The following SMARCAD1 variants were observed in gnomAD, a reference collection of about 807,000 sequenced individuals.
SMARCAD1 encodes SNF2 related chromatin remodeling ATPase with DExD box 1, also known as SWI/SNF-related matrix-associated actin-dependent regulator of chromatin subfamily A containing DEAD/H box 1.
SMARCAD1 carries 25 observed loss-of-function variants against 127.1 expected under a neutral mutation model. That is an observed-to-expected ratio of 0.20 (90% CI 0.14 to 0.27). The LOEUF is 0.27. Among genes scored for constraint, SMARCAD1 ranks in the 10% least tolerant of loss-of-function variants. SMARCAD1 has a pLI of 1.00. For missense variants in SMARCAD1, 807 were observed against 1,206.0 expected, an observed-to-expected ratio of 0.67 and a Z score of 4.90; for synonymous variants, 400 against 396.9, an observed-to-expected ratio of 1.01 and a Z score of -0.09.
In SMARCAD1 at chr4:94,265,026, G is replaced by A. The variant is rs1335879778; in HGVS notation, c.1481+120G>A. ...ACTAGTGGTAGGAGAGAACCCCCAG[G>A]TTTTCTGTAATGGCACATAAGTGGA... On this transcript the variant is annotated intron_variant, in intron 10 of 23. Transcript: ENST00000354268. 6 of 931,460 alleles carry A rather than the reference G, an allele frequency of 6.4e-6. No individual in the cohort carries two copies. The East Asian group carries it at 1.6e-4, about 25-fold the overall frequency. The allele number at this position is 931,460 out of a possible 1,614,324, so 57.7% of individuals were successfully genotyped here. A position where few individuals can be genotyped will look rare whatever the true frequency, so the allele number is the denominator to read the frequency against.
At chr4:94,244,312 T>C (rs529907016) in intron 6 of SMARCAD1, among the ~76,000 whole-genome samples, 4 of 152,326 alleles carry the variant, frequency 2.6e-5, no homozygotes, top group African/African-American at 9.6e-5. Flanking sequence ...CTACAAACAA[T>C]GCTACAGTTT....
intron 1 of SMARCAD1, 30 bp from the exon 2 acceptor site, chr4:94,208,316 T>G: frequency 6.8e-7 from 1 of 1,477,876 alleles, no homozygotes; most frequent in Non-Finnish European, 9.5e-7. Context: ...TTTCATGGCC[T>G]TTTTTCCTCT....
At chr4:94,260,287 G>C (rs1750765284) in intron 9 of SMARCAD1, among the ~76,000 whole-genome samples, 1 of 152,120 alleles carries the variant, frequency 6.6e-6, no homozygotes, top group South Asian at 2.1e-4. Flanking sequence ...AGCATCTGTT[G>C]ATGCTACATG....
chr4:94,233,813 C>A, intron 3 of SMARCAD1, 141 bp from the exon 4 acceptor site: 1 of 879,314 alleles, frequency 1.1e-6, no homozygotes, highest in Non-Finnish European at 1.7e-6. Context: ...AAAAAAAGGT[C>A]TCTTTCTGAC....
chr4:94,276,250 T>C, intron 14 of SMARCAD1, 89 bp from the exon 15 acceptor site: 1 of 1,439,816 alleles, frequency 6.9e-7, no homozygotes, highest in Non-Finnish European at 9.6e-7. Context: ...AATGTGTAAA[T>C]AAAAAATGAT....
At chr4:94,273,578 T>G in intron 11 of SMARCAD1, 39 bp from the exon 12 acceptor site, 2 of 1,406,064 alleles carry the variant, frequency 1.4e-6, no homozygotes, top group Non-Finnish European at 2.0e-6. Context: ...ATTTTTTGTT[T>G]GTTTTAAAAT....
At chr4:94,218,186 A>G (rs779823326) in intron 2 of SMARCAD1, among the ~76,000 whole-genome samples, 1 of 152,152 alleles carries the variant, frequency 6.6e-6, no homozygotes, top group Non-Finnish European at 1.5e-5. Context: ...TATAAAGTCT[A>G]TTATTTAGAA....
rs540562361 is a variant in SMARCAD1 at position 94,219,957 on chromosome 4, T to G, written c.191-6162T>G. 1.2e-4 allele frequency among the ~76,000 whole-genome samples: 18 copies of G among 152,352 alleles called. No homozygotes were observed. The South Asian group carries it at 1.5e-3, about 12-fold the overall frequency. ...AGAATTGAATAGTAGCAGATGTCTT[T>G]TCTTTATAACTGTTTCTGCTTTTCA... On this transcript the variant is annotated intron_variant, in intron 2 of 23. Coordinates refer to ENST00000354268, the MANE Select transcript of SMARCAD1 (RefSeq NM_020159.5).
chr4:94,252,476 GTATCAAATT>G, intron 8 of SMARCAD1, 131 bp from the exon 9 acceptor site: 1 of 554,586 alleles, frequency 1.8e-6, no homozygotes, highest in Admixed American at 3.7e-5. Flanking sequence ...TTTTTAAAGT[GTATCAAATT>G]TAACAATAAA....
At chr4:94,261,110 T>C (rs1320083572) in intron 9 of SMARCAD1, among the ~76,000 whole-genome samples, 1 of 151,734 alleles carries the variant, frequency 6.6e-6, no homozygotes, top group Non-Finnish European at 1.5e-5. Context: ...CTTTTGAAAA[T>C]ATTTGAATAG....
At chr4:94,272,867 C>T (rs558832822) in intron 11 of SMARCAD1, among the ~76,000 whole-genome samples, 1 of 152,030 alleles carries the variant, frequency 6.6e-6, no homozygotes, top group Admixed American at 6.6e-5. Flanking sequence ...AGTGCAGCGG[C>T]GCACTCTCAG....
At chr4:94,229,137 A>G (rs1482167522) in intron 3 of SMARCAD1, among the ~76,000 whole-genome samples, 1 of 152,076 alleles carries the variant, frequency 6.6e-6, no homozygotes, top group Non-Finnish European at 1.5e-5. Context: ...TCAAGTTACC[A>G]TTTTTCCCTT....
At chr4:94,237,077 C>T in intron 5 of SMARCAD1, 59 bp downstream of exon 5, 4 of 1,302,078 alleles carry the variant, frequency 3.1e-6, no homozygotes, top group South Asian at 1.2e-5. Context: ...ATAATAGTAC[C>T]TTCTCATTAA....
chr4:94,287,748 T>TA (rs1156910586), intron 23 of SMARCAD1, among the ~76,000 whole-genome samples: 1 of 152,180 alleles, frequency 6.6e-6, no homozygotes, highest in Non-Finnish European at 1.5e-5. Context: ...CTTAATGTAT[T>TA]AATTGTATTA....
At chr4:94,281,403 T>C in intron 20 of SMARCAD1, 69 bp from the exon 21 acceptor site, 5 of 1,055,286 alleles carry the variant, frequency 4.7e-6, no homozygotes, top group African/African-American at 1.6e-5. Flanking sequence ...TCTAACTGTT[T>C]AAACCTGTCA....
In SMARCAD1 at chr4:94,290,122, C is replaced by G. The variant is rs1376256418; in HGVS notation, c.*588C>G. On this transcript the variant is annotated 3_prime_UTR_variant, in exon 24 of 24. Transcript: ENST00000354268. ...TATACTAACATCCCCCAGGTCCTCTCAAGTACTTCTGCTGAAACAAATTTA... is the reference window on the plus strand; with the variant it reads ...TATACTAACATCCCCCAGGTCCTCTGAAGTACTTCTGCTGAAACAAATTTA... 6.6e-6 allele frequency: 3 copies of G among 454,496 alleles called. No homozygotes were observed. The highest frequency in any genetic ancestry group is 4.7e-5 in the South Asian group (3 of 64,474). 28.2% of individuals were successfully genotyped at this position (454,496 alleles called of 1,614,324 possible). A position where few individuals can be genotyped will look rare whatever the true frequency, so the allele number is the denominator to read the frequency against.
chr4:94,283,926 A>G (rs1284188303), intron 22 of SMARCAD1, among the ~76,000 whole-genome samples: 1 of 152,196 alleles, frequency 6.6e-6, no homozygotes, highest in Non-Finnish European at 1.5e-5. Flanking sequence ...ACTTGGTAAT[A>G]TACAAACTTG....
chr4:94,238,026 C>G (rs1053837053), intron 5 of SMARCAD1, among the ~76,000 whole-genome samples: 8 of 152,030 alleles, frequency 5.3e-5, no homozygotes, highest in Non-Finnish European at 1.5e-5. Context: ...ATTCTTACTA[C>G]TATTAATTTT....
upstream of SMARCAD1, chr4:94,207,806 C>T (rs1373992720): frequency 6.9e-6 from 2 of 289,702 alleles, no homozygotes; most frequent in Admixed American, 4.7e-5. Context: ...TGCACTCCAC[C>T]TCTGAACCTT....
Sources: allele counts gnomAD v4.1 joint callset (sites outside exome capture counted in the v4.1 genomes callset), GRCh38; gene constraint gnomAD v4.1.1; transcripts MANE v1.5; gene names NCBI Gene and HGNC (gene_info 2026-07-23, HGNC 2026-07-21).